Variants in DTX1 observed in about 807,000 individuals in gnomAD.
DTX1 encodes the protein deltex E3 ubiquitin ligase 1.
Under a neutral mutation model 57.8 loss-of-function variants are expected in DTX1, and 26 were observed. The observed-to-expected ratio is 0.45, with a 90% CI of 0.33 to 0.62. The LOEUF (loss-of-function observed/expected upper bound fraction) is 0.62. Among genes scored for constraint, DTX1 ranks in the 20% least tolerant of loss-of-function variants. The pLI is 0.02. For synonymous variants in DTX1, 398 were observed against 394.1 expected, an observed-to-expected ratio of 1.01 and a Z score of -0.12; for missense variants, 704 against 895.3, an observed-to-expected ratio of 0.79 and a Z score of 2.73.
At chr12:113,059,332 A>G (rs1224035401) in intron 2 of DTX1, among the ~76,000 whole-genome samples, 1 of 151,492 alleles carries the variant, frequency 6.6e-6, no homozygotes, top group Non-Finnish European at 1.5e-5. Context: ...AGAAAATGAG[A>G]GAATGATGTT....
At chr12:113,095,929 C>T (rs762638971) in intron 9 of DTX1, among the ~76,000 whole-genome samples, 2 of 152,058 alleles carry the variant, frequency 1.3e-5, no homozygotes, top group Non-Finnish European at 2.9e-5. Context: ...CAGGCAGGGC[C>T]GGGTGTGGTG....
chr12:113,086,213 C>T (rs546195627), intron 3 of DTX1, among the ~76,000 whole-genome samples: 9 of 150,332 alleles, frequency 6.0e-5, no homozygotes, highest in Non-Finnish European at 7.4e-5. Context: ...GAGCCAAGAT[C>T]GAGCCACTGC....
chr12:113,077,746 C>A lies in DTX1; in HGVS notation c.582C>A (p.Ala194=). ...IPKSQSWPVG[A]SSGQPCSCQQ... Reference sequence around the variant, plus strand: ...AGTCGCAGTCGTGGCCCGTGGGCGCCAGCTCGGGCCAGCCCTGCTCCTGCC... The same window carrying A: ...AGTCGCAGTCGTGGCCCGTGGGCGCAAGCTCGGGCCAGCCCTGCTCCTGCC... Residue 194 remains alanine, a synonymous_variant, in exon 3 of 10, where the codon GCC becomes GCA. Coordinates refer to ENST00000548759, the MANE Select transcript of DTX1 (RefSeq NM_004416.3). The surrounding 1 kb of genome is among the most constrained non-coding windows in gnomAD (Gnocchi z 7.8). 1 of 1,531,184 alleles carries A rather than the reference C, an allele frequency of 6.5e-7. No individual in the cohort carries two copies. Among genetic ancestry groups the A allele is most frequent in the Non-Finnish European group, 8.7e-7 (1 of 1,144,056 alleles). The allele number at this position is 1,531,184 out of a possible 1,614,324, so 94.8% of individuals were successfully genotyped here.
At chr12:113,068,117 C>T (rs530626198) in intron 2 of DTX1, among the ~76,000 whole-genome samples, 5 of 152,212 alleles carry the variant, frequency 3.3e-5, no homozygotes, top group Non-Finnish European at 2.9e-5. Flanking sequence ...AAACCATATC[C>T]GCCCAGCTTG....
At chr12:113,063,080 G>A (rs529895017) in intron 2 of DTX1, among the ~76,000 whole-genome samples, 1 of 152,330 alleles carries the variant, frequency 6.6e-6, no homozygotes, top group South Asian at 2.1e-4. Context: ...GCAGTACTGA[G>A]CCAAGTGCCC....
rs1950279557 is a variant in DTX1, at chr12:113,095,183, G to A, written c.1528G>A (p.Asp510Asn). 2.5e-6 allele frequency: 4 copies of A among 1,608,442 alleles called. No homozygotes were observed. In the South Asian group the frequency reaches 3.3e-5, roughly 13 times the overall value. The change falls in exon 8 of 10, where the codon GAC (aspartate) becomes AAC (asparagine). Residue 510 changes from aspartate (D) to asparagine (N), a missense_variant. By Grantham distance (23) the Asp-to-Asn change is conservative. Coordinates refer to ENST00000548759, the MANE Select transcript of DTX1 (RefSeq NM_004416.3). ...TACCCAGACCATCCGCATCGTCTAT[G>A]ACATCCCCACAGGCATCCAGGTGGG... The part of the protein sequence containing the change: ...PDTQTIRIVY[D>N]IPTGIQGPEH...
chr12:113,069,350 G>C (rs959558068), intron 2 of DTX1, among the ~76,000 whole-genome samples: 3 of 151,994 alleles, frequency 2.0e-5, no homozygotes, highest in African/African-American at 7.3e-5. Flanking sequence ...ATGAGTGCCC[G>C]CCTCCGCCTG....
Position 113,078,077 on chromosome 12 carries a change from G to A in DTX1, c.913G>A (p.Val305Met), listed in dbSNP as rs1269908567. The A allele has an allele frequency of 1.1e-5, 15 of 1,397,776 alleles. No homozygotes were observed. Among genetic ancestry groups the A allele is most frequent in the South Asian group, 1.5e-5 (1 of 67,066 alleles). 86.6% of individuals were successfully genotyped at this position (1,397,776 alleles called of 1,614,324 possible). A position where few individuals can be genotyped will look rare whatever the true frequency, so the allele number is the denominator to read the frequency against. Residue 305 changes from valine (V) to methionine (M), a missense_variant, in exon 3 of 10, where the codon GTG becomes ATG. Around this residue, in one of 3 missense-constraint regions of DTX1, gnomAD observed 299 missense variants for 311.2 expected, o/e 0.96. Transcript: ENST00000548759. ...NRPGPQRTTS[V>M]SARASIPPGV... is the part of the protein sequence containing the mutation. Reference sequence around the variant, plus strand: ...GCCCGGGCCCCAGCGCACCACCAGCGTGAGCGCGCGCGCCTCCATCCCGCC... The same window carrying A: ...GCCCGGGCCCCAGCGCACCACCAGCATGAGCGCGCGCGCCTCCATCCCGCC...
chr12:113,087,038 C>G (rs1358390691), intron 3 of DTX1, among the ~76,000 whole-genome samples: 1 of 152,066 alleles, frequency 6.6e-6, no homozygotes, highest in East Asian at 1.9e-4. Context: ...CTCCCCTCCC[C>G]TACCTGACCG....
chr12:113,063,934 C>A (rs1036975080), intron 2 of DTX1, among the ~76,000 whole-genome samples: 1 of 152,248 alleles, frequency 6.6e-6, no homozygotes, highest in Middle Eastern at 3.2e-3. Context: ...GTCACACAGC[C>A]TACCAGTCCT....
intron 3 of DTX1, among the ~76,000 whole-genome samples, chr12:113,088,927 AT>A (rs1950226239): frequency 6.6e-6 from 1 of 152,180 alleles, no homozygotes. Flanking sequence ...AGGTGGGAAG[AT>A]CGCTTGAGCC....
At chr12:113,095,533 C>A in intron 9 of DTX1, 119 bp downstream of exon 9, 2 of 1,338,236 alleles carry the variant, frequency 1.5e-6, no homozygotes, top group South Asian at 2.6e-5. Context: ...CTCCCAAAAG[C>A]AGCACCCGAA....
chr12:113,062,990 G>C (rs891090368), intron 2 of DTX1, among the ~76,000 whole-genome samples: 1 of 152,242 alleles, frequency 6.6e-6, no homozygotes, highest in African/African-American at 2.4e-5. Flanking sequence ...GATGATGTTA[G>C]ATCAATCACG....
rs747371751 is a variant in DTX1, at chr12:113,077,432, C to A, written c.268C>A (p.Arg90=). The change falls in exon 3 of 10, where the codon CGG becomes AGG. Residue 90 remains arginine, a synonymous_variant. Coordinates refer to ENST00000548759, the MANE Select transcript of DTX1 (RefSeq NM_004416.3). This position sits in a 1 kb window ranked among gnomAD's most constrained non-coding sequence, Gnocchi z 7.8. ...HQFRQDTGTM[R]PVRRNFYDPS... The stretch of plus-strand genomic sequence containing the variant: ...CCCCATTTCGAGTACAGGCACCATG[C>A]GGCCCGTGCGGCGCAACTTCTACGA... 1.4e-5 allele frequency: 22 copies of A among 1,604,846 alleles called. No individual in the cohort carries two copies. In the South Asian group the frequency reaches 2.3e-4, roughly 17 times the overall value.
Position 113,057,934 on chromosome 12 carries a change from T to C in DTX1, c.-259T>C, listed in dbSNP as rs528422058. On this transcript the variant is annotated 5_prime_UTR_variant, in exon 2 of 10. Transcript: ENST00000548759. The stretch of plus-strand genomic sequence containing the variant: ...GACTTTAGAGCTGTTTCCTCCGGCA[T>C]AAGAGAGACACTTGCTTTCCAGGGC... 12 of 564,170 alleles carry C rather than the reference T, an allele frequency of 2.1e-5. No individual in the cohort carries two copies. The Admixed American group carries it at 2.1e-4, about 10-fold the overall frequency. The allele number at this position is 564,170 out of a possible 1,614,324, so 34.9% of individuals were successfully genotyped here. A position where few individuals can be genotyped will look rare whatever the true frequency, so the allele number is the denominator to read the frequency against.
intron 2 of DTX1, among the ~76,000 whole-genome samples, chr12:113,067,877 AAC>A (rs2044714220): frequency 1.2e-5 from 1 of 80,888 alleles, no homozygotes; most frequent in Non-Finnish European, 2.5e-5. Context: ...ACCAAATAAA[AAC>A]AAAAAAAAAA....
chr12:113,057,098 A>G (rs2044629276), intron 1 of DTX1, among the ~76,000 whole-genome samples, 154 bp downstream of exon 1: 1 of 151,430 alleles, frequency 6.6e-6, no homozygotes. Context: ...CCGCGACGCG[A>G]CCCCCGAGGG....
In DTX1 at chr12:113,097,843, A is replaced by G. The variant is rs532808304; in HGVS notation, c.*904A>G. On this transcript the variant is annotated 3_prime_UTR_variant, in exon 10 of 10. Transcript: ENST00000548759. ...AATTTCCCTTTCGTTGGGAGTGGGC[A>G]GTGGGGTGGCTAATTGTCTTCGGCC... 6.5e-6 allele frequency: 1 copy of G among 152,812 alleles called. No individual in the cohort carries two copies. The highest frequency in any genetic ancestry group is 1.9e-4 in the East Asian group (1 of 5,184). 9.5% of individuals were successfully genotyped at this position (152,812 alleles called of 1,614,324 possible).
intron 3 of DTX1, among the ~76,000 whole-genome samples, chr12:113,087,062 C>T (rs1216592470): frequency 6.6e-6 from 1 of 152,068 alleles, no homozygotes; most frequent in Non-Finnish European, 1.5e-5. Flanking sequence ...CTCCCTGCCC[C>T]CAACCATCTC....
Sources: gnomAD v4.1 joint callset for allele counts (sites outside exome capture counted in the v4.1 genomes callset) on GRCh38, gnomAD v4.1.1 for gene constraint, gnomAD v4.1.1 regional missense constraint, Gnocchi (gnomAD v3.1) non-coding constraint, MANE v1.5 for transcripts, NCBI Gene and HGNC (gene_info 2026-07-23, HGNC 2026-07-21) for gene names.